The following NEMP2 variants were observed in gnomAD, a reference collection of about 807,000 sequenced individuals.
NEMP2 encodes the protein UPF0571 transmembrane protein.
In NEMP2, 53 loss-of-function variants were observed where a neutral mutation model predicts 54.2. That is an observed-to-expected ratio of 0.98 (90% confidence interval 0.78 to 1.23). NEMP2 has a LOEUF of 1.23. Among genes scored for constraint, NEMP2 ranks in the 50% most tolerant of loss-of-function variants. The pLI, the probability that NEMP2 is intolerant of heterozygous loss-of-function variation, is 0.00. For missense variants in NEMP2, 455 were observed against 511.3 expected (o/e 0.89, Z 1.06); for synonymous variants, 197 against 190.3 (o/e 1.04, Z -0.29).
the NEMP2 span, among the ~76,000 whole-genome samples, chr2:190,632,014 C>T: frequency 6.6e-6 from 1 of 152,116 alleles, no homozygotes; most frequent in African/African-American, 2.4e-5. This position sits in a 1 kb window ranked among gnomAD's most constrained non-coding sequence, Gnocchi z 4.8. Flanking sequence ...TGAGATAACG[C>T]CACTGCACTC....
At chr2:190,457,764 A>T in the NEMP2 span, among the ~76,000 whole-genome samples, 1 of 152,190 alleles carries the variant, frequency 6.6e-6, no homozygotes, top group African/African-American at 2.4e-5. This position sits in a 1 kb window ranked among gnomAD's most constrained non-coding sequence, Gnocchi z 5.1. Flanking sequence ...AGTATAACCA[A>T]AGCAGTTATG....
At chr2:190,577,506 T>C in the NEMP2 span, among the ~76,000 whole-genome samples, 1 of 152,208 alleles carries the variant, frequency 6.6e-6, no homozygotes, top group Admixed American at 6.5e-5. The surrounding 1 kb of genome is among the most constrained non-coding windows in gnomAD (Gnocchi z 4.8). Context: ...TTAGCTAAAC[T>C]ATCATCCTCC....
At chr2:190,450,712 T>C in the NEMP2 span, among the ~76,000 whole-genome samples, 1 of 152,042 alleles carries the variant, frequency 6.6e-6, no homozygotes, top group Non-Finnish European at 1.5e-5. Context: ...AGGCTAGTCT[T>C]AAACTCCTAA....
At position 190,510,036 on chromosome 2, in the gene NEMP2, A is replaced by G. The variant is rs1274334314; in HGVS notation, c.1130+325T>C. The stretch of plus-strand genomic sequence containing the variant: ...AGCCTGGGTGACAGAGCAAGACTCC[A>G]TCTAAAACAAAACAAAACAAAAAAG... On this transcript the variant is annotated intron_variant, in intron 8 of 8. Coordinates refer to ENST00000409150, the MANE Select transcript of NEMP2 (RefSeq NM_001142645.2). This position sits in a 1 kb window ranked among gnomAD's most constrained non-coding sequence, Gnocchi z 5.7. Among the ~76,000 whole-genome samples the G allele has an allele frequency of 6.6e-6, 1 of 152,242 alleles. No individual in the cohort carries two copies. Among genetic ancestry groups the G allele is most frequent in the African/African-American group, 2.4e-5 (1 of 41,472 alleles).
the NEMP2 span, among the ~76,000 whole-genome samples, chr2:190,445,814 G>A: frequency 6.6e-6 from 1 of 151,974 alleles, no homozygotes; most frequent in South Asian, 2.1e-4. Flanking sequence ...TGGTAATATG[G>A]AAAGAATAAT....
chr2:190,593,110 T>C, the NEMP2 span, among the ~76,000 whole-genome samples: 3 of 152,162 alleles, frequency 2.0e-5, no homozygotes, highest in Admixed American at 2.0e-4. This position sits in a 1 kb window ranked among gnomAD's most constrained non-coding sequence, Gnocchi z 4.5. Context: ...GGCTATGTCT[T>C]ATGCTATCTC....
At chr2:190,592,246 C>T in the NEMP2 span, among the ~76,000 whole-genome samples, 1 of 152,072 alleles carries the variant, frequency 6.6e-6, no homozygotes, top group Non-Finnish European at 1.5e-5. This position sits in a 1 kb window ranked among gnomAD's most constrained non-coding sequence, Gnocchi z 4.4. Flanking sequence ...CCAGTTTAAC[C>T]GTTGAAATGG....
chr2:190,436,618 G>A, the NEMP2 span: 2 of 1,614,180 alleles, frequency 1.2e-6, no homozygotes, highest in Admixed American at 3.3e-5. This position sits in a 1 kb window ranked among gnomAD's most constrained non-coding sequence, Gnocchi z 5.3. Context: ...AAAAATGCGT[G>A]AGAAAAGAAA....
the NEMP2 span, among the ~76,000 whole-genome samples, chr2:190,493,176 G>A: frequency 1.3e-5 from 2 of 152,018 alleles, no homozygotes; most frequent in East Asian, 1.9e-4. Context: ...TTAAGGTAAA[G>A]GGGTGGAAAA....
the NEMP2 span, among the ~76,000 whole-genome samples, chr2:190,616,388 T>C: frequency 6.6e-6 from 1 of 151,986 alleles, no homozygotes; most frequent in East Asian, 1.9e-4. This position sits in a 1 kb window ranked among gnomAD's most constrained non-coding sequence, Gnocchi z 5.1. Flanking sequence ...AATGACAAAA[T>C]GAATAGAAAA....
At chr2:190,584,898 TGAAAGAAAGAAAGAAAGAAAGAAA>T in the NEMP2 span, among the ~76,000 whole-genome samples, 6,503 of 120,114 alleles carry the variant, frequency 0.054, 222 homozygotes, top group Non-Finnish European at 0.076. The surrounding 1 kb of genome is among the most constrained non-coding windows in gnomAD (Gnocchi z 4.2). Flanking sequence ...AAAACAACAA[TGAAAGAAAGAAAGAAAGAAAGAAA>T]GAAAGAAAGA....
At chr2:190,474,177 C>A in the NEMP2 span, among the ~76,000 whole-genome samples, 1 of 148,850 alleles carries the variant, frequency 6.7e-6, no homozygotes, top group African/African-American at 2.4e-5. Context: ...AGAGCAAACA[C>A]ATTCAAAAGC....
rs1260595853 is a variant in NEMP2, at chr2:190,529,708, A to T, written c.98-4330T>A. Among the ~76,000 whole-genome samples the T allele has an allele frequency of 6.6e-6, 1 of 152,186 alleles. No homozygotes were observed. The highest frequency in any genetic ancestry group is 1.5e-5 in the Non-Finnish European group (1 of 68,026). On this transcript the variant is annotated intron_variant, in intron 1 of 8. Transcript: ENST00000409150. The surrounding 1 kb of genome is among the most constrained non-coding windows in gnomAD (Gnocchi z 4.7). ...GTTCAAGAGGACTAGTGGGTTATTT[A>T]GGCATGTGTGGCCTACCAATGGAAG...
the NEMP2 span, among the ~76,000 whole-genome samples, chr2:190,593,436 T>C: frequency 6.6e-6 from 1 of 152,222 alleles, no homozygotes; most frequent in African/African-American, 2.4e-5. The surrounding 1 kb of genome is among the most constrained non-coding windows in gnomAD (Gnocchi z 4.5). Flanking sequence ...AGGGTATTTT[T>C]CTGGTTAAAG....
the NEMP2 span, among the ~76,000 whole-genome samples, chr2:190,548,027 A>G: frequency 6.6e-6 from 1 of 152,178 alleles, no homozygotes; most frequent in African/African-American, 2.4e-5. Context: ...TAACTAGGTC[A>G]CTTGCCACTT....
chr2:190,607,445 T>C, the NEMP2 span, among the ~76,000 whole-genome samples: 4 of 152,272 alleles, frequency 2.6e-5, no homozygotes, highest in South Asian at 6.2e-4. This position sits in a 1 kb window ranked among gnomAD's most constrained non-coding sequence, Gnocchi z 5.2. Context: ...GGAACTACTA[T>C]GGGCAGAACT....
the NEMP2 span, among the ~76,000 whole-genome samples, chr2:190,647,788 C>T: frequency 7.0e-6 from 1 of 142,352 alleles, no homozygotes. Context: ...GATCTTGGCT[C>T]ACTGCAACCT....
chr2:190,534,451 C>T (rs1315407495), intron 1 of NEMP2, 108 bp downstream of exon 1: 14 of 1,238,458 alleles, frequency 1.1e-5, no homozygotes, highest in African/African-American at 1.6e-5. Flanking sequence ...GCGCCCGCCC[C>T]AGTGGGCCTC....
At chr2:190,476,429 T>C in the NEMP2 span, among the ~76,000 whole-genome samples, 1 of 152,236 alleles carries the variant, frequency 6.6e-6, no homozygotes, top group South Asian at 2.1e-4. Flanking sequence ...AAGACATTTA[T>C]GCAGCCAACA....
Sources: allele counts gnomAD v4.1 joint callset (sites outside exome capture counted in the v4.1 genomes callset), GRCh38; gene constraint gnomAD v4.1.1; non-coding constraint Gnocchi (gnomAD v3.1); transcripts MANE v1.5; gene names NCBI Gene and HGNC (gene_info 2026-07-23, HGNC 2026-07-21).